Variants in ELP6 observed in about 807,000 individuals in gnomAD.
The protein encoded by ELP6 is elongator complex protein 6.
Under a neutral mutation model 28.1 loss-of-function variants are expected in ELP6, and 23 were observed. That is an observed-to-expected ratio of 0.82 (90% CI 0.59 to 1.16). The LOEUF (loss-of-function observed/expected upper bound fraction) is 1.16, where lower values mean the gene tolerates loss of function less well. ELP6 is among the 50% of genes most tolerant of loss of function. ELP6 has a pLI of 0.00. For missense variants in ELP6, 313 were observed against 334.6 expected (o/e 0.94, Z 0.50); for synonymous variants, 132 against 135.8 (o/e 0.97, Z 0.19).
At chr3:47,504,212 A>T in intron 4 of ELP6, 118 bp downstream of exon 4, 1 of 1,272,724 alleles carries the variant, frequency 7.9e-7, no homozygotes, top group Non-Finnish European at 1.1e-6. Flanking sequence ...GAAGTGTCTG[A>T]CTCCTGAAGC....
intron 5 of ELP6, chr3:47,499,992 C>T (rs1708598916): frequency 2.2e-6 from 3 of 1,333,782 alleles, no homozygotes; most frequent in Admixed American, 2.1e-5. Context: ...CTGCTTCAGA[C>T]ACACTGGCGG....
At chr3:47,507,550 C>T (rs1468515486) in intron 3 of ELP6, among the ~76,000 whole-genome samples, 5 of 148,476 alleles carry the variant, frequency 3.4e-5, no homozygotes, top group African/African-American at 1.0e-4. Flanking sequence ...AATCCCAGCA[C>T]TTTGGGAGGC....
At chr3:47,510,036 A>C in intron 3 of ELP6, 148 bp downstream of exon 3, 1 of 622,556 alleles carries the variant, frequency 1.6e-6, no homozygotes, top group East Asian at 2.8e-5. Flanking sequence ...CTGGGATTAC[A>C]GGCGTGAGCC....
rs377204125 is a variant in ELP6 at position 47,504,421 on chromosome 3, G to A, written c.232C>T (p.Arg78Cys). 2.7e-5 allele frequency: 43 copies of A among 1,606,852 alleles called. 1 individual carries two copies. The highest frequency in any genetic ancestry group is 6.7e-5 in the South Asian group (6 of 89,968). ...CCCTCAAGGAACACAAGCTGCCCAC[G>A]CTCCCGCGCCATGGTCAGGCTGACA... ...LGVSLTMARE[R>C]GQLVFLEGLK... Residue 78 changes from arginine (R) to cysteine (C), a missense_variant, in exon 4 of 7, where the codon CGT (arginine) becomes TGT (cysteine). Arg to Cys is a radical substitution (Grantham distance 180, BLOSUM62 -3). Coordinates refer to ENST00000296149, the MANE Select transcript of ELP6 (RefSeq NM_001031703.3).
At position 47,498,277 on chromosome 3, in the gene ELP6, C is replaced by A; in HGVS notation, c.672+9G>T. The A allele has an allele frequency of 6.2e-7, 1 of 1,612,910 alleles. No individual in the cohort carries two copies. The highest frequency in any genetic ancestry group is 8.5e-7 in the Non-Finnish European group (1 of 1,179,970). On this transcript the variant is annotated intron_variant, in intron 6 of 6. Transcript: ENST00000296149. The stretch of plus-strand genomic sequence containing the variant: ...CAAGAAGCCTGTTGCCCAGGAGGCC[C>A]CTGCATACCTGCCCGTGCACATCCC...
At chr3:47,506,379 G>A (rs1165033902) in intron 3 of ELP6, among the ~76,000 whole-genome samples, 1 of 152,084 alleles carries the variant, frequency 6.6e-6, no homozygotes, top group Non-Finnish European at 1.5e-5. Flanking sequence ...TTTATTAGGC[G>A]GGAATTTCCT....
At chr3:47,505,354 A>G (rs1478375680) in intron 3 of ELP6, among the ~76,000 whole-genome samples, 3 of 152,070 alleles carry the variant, frequency 2.0e-5, no homozygotes, top group Non-Finnish European at 4.4e-5. Flanking sequence ...TGCTCAGACT[A>G]GGACTTTTTT....
Position 47,510,074 on chromosome 3 carries a change from T to C in ELP6, c.204+110A>G, listed in dbSNP as rs940486665. ...CACGCCCGGCCCAATATTTCTTTAG[T>C]CCCTCTTTTGCTAAGTTCTGTACAA... On this transcript the variant is annotated intron_variant, in intron 3 of 6. Coordinates refer to ENST00000296149, the MANE Select transcript of ELP6 (RefSeq NM_001031703.3). 9 of 881,844 alleles carry C rather than the reference T, an allele frequency of 1.0e-5. No homozygotes were observed. The African/African-American group carries it at 1.4e-4, about 13-fold the overall frequency. The allele number at this position is 881,844 out of a possible 1,614,324, so 54.6% of individuals were successfully genotyped here. A position where few individuals can be genotyped will look rare whatever the true frequency, so the allele number is the denominator to read the frequency against.
intron 1 of ELP6, chr3:47,513,154 C>G: frequency 4.4e-6 from 4 of 902,454 alleles, no homozygotes; most frequent in Non-Finnish European, 5.4e-6. Context: ...CCACGCCCGG[C>G]TAATTTTTGT....
At chr3:47,511,625 A>G in intron 1 of ELP6, 3 of 591,508 alleles carry the variant, frequency 5.1e-6, no homozygotes, top group Non-Finnish European at 6.5e-6. Flanking sequence ...GGCCTTCAAA[A>G]GGCCTCCCTG....
At chr3:47,510,094 G>A in intron 3 of ELP6, 90 bp downstream of exon 3, 1 of 1,098,348 alleles carries the variant, frequency 9.1e-7, no homozygotes, top group Non-Finnish European at 1.4e-6. Context: ...GCTAAGTTCT[G>A]TACAATGCAA....
At chr3:47,508,178 AGAG>A (rs1437050914) in intron 3 of ELP6, among the ~76,000 whole-genome samples, 2 of 152,234 alleles carry the variant, frequency 1.3e-5, no homozygotes, top group African/African-American at 2.4e-5. Flanking sequence ...TCTGCCCAAC[AGAG>A]AAGAGGCAGT....
chr3:47,504,218 G>A, intron 4 of ELP6, 112 bp downstream of exon 4: 1 of 1,344,060 alleles, frequency 7.4e-7, no homozygotes. Context: ...TCTGACTCCT[G>A]AAGCCAGTTC....
At chr3:47,498,650 T>C (rs1708550605) in intron 5 of ELP6, 1 of 985,276 alleles carries the variant, frequency 1.0e-6, no homozygotes, top group Admixed American at 6.2e-5. Context: ...AGCCAACCCA[T>C]ATTTTCAGCT....
intron 1 of ELP6, chr3:47,512,211 G>A: frequency 3.9e-6 from 1 of 256,242 alleles, no homozygotes; most frequent in Non-Finnish European, 6.1e-6. Flanking sequence ...GCCTGGAGGA[G>A]TTTACCATTT....
intron 5 of ELP6, chr3:47,500,475 A>C: frequency 6.5e-6 from 1 of 153,686 alleles, no homozygotes; most frequent in Non-Finnish European, 1.4e-5. Context: ...GGAGAGAGGC[A>C]AGAGCACTTT....
At chr3:47,510,320 CT>C in intron 2 of ELP6, 66 bp from the exon 3 acceptor site, 1 of 1,420,198 alleles carries the variant, frequency 7.0e-7, no homozygotes, top group Non-Finnish European at 9.7e-7. Flanking sequence ...GATTTCATAC[CT>C]CTGGAAAAAA....
chr3:47,503,186 A>T, intron 4 of ELP6: 2 of 1,159,842 alleles, frequency 1.7e-6, no homozygotes, highest in Non-Finnish European at 2.2e-6. Context: ...CAGAGATGCT[A>T]AGGGATGTGT....
intron 4 of ELP6, chr3:47,503,145 G>C (rs1708717723): frequency 8.7e-7 from 1 of 1,148,454 alleles, no homozygotes; most frequent in Non-Finnish European, 1.1e-6. Context: ...GGTATAACCA[G>C]CCCCTGCCTT....
Sources: allele counts gnomAD v4.1 joint callset (sites outside exome capture counted in the v4.1 genomes callset), GRCh38; gene constraint gnomAD v4.1.1; transcripts MANE v1.5; gene names NCBI Gene and HGNC (gene_info 2026-07-23, HGNC 2026-07-21).